ACCSL: variants seen among roughly 807,000 people sequenced by gnomAD.
The protein encoded by ACCSL is probable inactive 1-aminocyclopropane-1-carboxylate synthase-like protein 2.
In ACCSL, 55 loss-of-function variants were observed where a neutral mutation model predicts 61.7. The observed-to-expected ratio is 0.89, with a 90% CI of 0.72 to 1.12. The LOEUF is 1.12. ACCSL is among the 50% of genes most tolerant of loss of function. ACCSL has a pLI of 0.00. For synonymous variants in ACCSL, 258 were observed against 264.3 expected (o/e 0.98, Z 0.23); for missense variants, 632 against 698.0 (o/e 0.91, Z 1.07).
the ACCSL span, among the ~76,000 whole-genome samples, chr11:43,942,035 CGTGTGTGTGTGTGTGTGTGTGTGTGT>C: frequency 2.2e-5 from 2 of 89,620 alleles, no homozygotes; most frequent in Admixed American, 9.5e-5. Flanking sequence ...TGCATTCGTG[CGTGTGTGTGTGTGTGTGTGTGTGTGT>C]GTGTGTGTGT....
At chr11:43,996,003 G>A in the ACCSL span, among the ~76,000 whole-genome samples, 8 of 152,164 alleles carry the variant, frequency 5.3e-5, no homozygotes, top group African/African-American at 1.7e-4. Flanking sequence ...TTATAAAAAG[G>A]GGGTAATTTG....
chr11:43,990,800 C>T, the ACCSL span, among the ~76,000 whole-genome samples: 7 of 152,174 alleles, frequency 4.6e-5, no homozygotes, highest in South Asian at 2.1e-4. Flanking sequence ...AGGGGTGTGC[C>T]GTGGCTCACA....
the ACCSL span, among the ~76,000 whole-genome samples, chr11:43,966,068 A>G: frequency 1.2e-3 from 185 of 149,616 alleles, no homozygotes; most frequent in African/African-American, 4.4e-3. Flanking sequence ...TCTTAGATAT[A>G]ACAACAAATG....
chr11:43,990,005 C>T, the ACCSL span, among the ~76,000 whole-genome samples: 2 of 152,234 alleles, frequency 1.3e-5, no homozygotes, highest in East Asian at 3.8e-4. Flanking sequence ...ATGCCAGAAA[C>T]TTAGCAGCCA....
the ACCSL span, among the ~76,000 whole-genome samples, chr11:43,986,749 G>C: frequency 6.6e-6 from 1 of 152,176 alleles, no homozygotes; most frequent in Admixed American, 6.5e-5. Flanking sequence ...TGCATCACAT[G>C]AGTTTGTCAA....
At chr11:44,057,595 G>C (rs945645052) in intron 11 of ACCSL, among the ~76,000 whole-genome samples, 1 of 152,204 alleles carries the variant, frequency 6.6e-6, no homozygotes, top group African/African-American at 2.4e-5. Flanking sequence ...TGAATGCAGA[G>C]GGCAACTGGC....
the ACCSL span, among the ~76,000 whole-genome samples, chr11:43,961,373 CGG>C: frequency 6.6e-6 from 1 of 152,038 alleles, no homozygotes; most frequent in Non-Finnish European, 1.5e-5. Context: ...CTATTTTTCC[CGG>C]GGACAAGATT....
chr11:43,981,797 C>A, the ACCSL span, among the ~76,000 whole-genome samples: 4 of 152,206 alleles, frequency 2.6e-5, no homozygotes, highest in Admixed American at 6.5e-5. Flanking sequence ...CCCCAAGCCA[C>A]CTTTGGTCAA....
the ACCSL span, among the ~76,000 whole-genome samples, chr11:44,033,399 T>C: frequency 6.6e-6 from 1 of 152,130 alleles, no homozygotes. Context: ...AGGAACTTCT[T>C]AGGGAATCCT....
the ACCSL span, among the ~76,000 whole-genome samples, chr11:44,037,229 A>G: frequency 1.3e-5 from 2 of 152,220 alleles, no homozygotes; most frequent in African/African-American, 2.4e-5. Flanking sequence ...TAGCAGGAAC[A>G]GTCGTATTTG....
the ACCSL span, among the ~76,000 whole-genome samples, chr11:43,956,379 G>C: frequency 1.2e-4 from 19 of 152,082 alleles, no homozygotes; most frequent in African/African-American, 4.1e-4. Flanking sequence ...GCAAGAGGGG[G>C]TTGATTAGAT....
At chr11:44,036,676 G>A in the ACCSL span, among the ~76,000 whole-genome samples, 251 of 151,968 alleles carry the variant, frequency 1.7e-3, 1 homozygote, top group African/African-American at 5.7e-3. Flanking sequence ...CAGCTACTTG[G>A]GAGGCTGAGG....
the ACCSL span, among the ~76,000 whole-genome samples, chr11:44,042,197 T>C: frequency 3.9e-5 from 6 of 152,202 alleles, no homozygotes; most frequent in African/African-American, 1.2e-4. Flanking sequence ...TATGGGGTTT[T>C]TCTTCTCTAA....
At chr11:43,966,105 T>C in the ACCSL span, among the ~76,000 whole-genome samples, 3 of 152,038 alleles carry the variant, frequency 2.0e-5, no homozygotes, top group Non-Finnish European at 2.9e-5. Context: ...AAAAAATAGA[T>C]AAATAGATAA....
the ACCSL span, among the ~76,000 whole-genome samples, chr11:44,019,429 C>G: frequency 6.6e-6 from 1 of 152,154 alleles, no homozygotes; most frequent in Non-Finnish European, 1.5e-5. Flanking sequence ...CACATCCTTG[C>G]CAACACTTGT....
the ACCSL span, among the ~76,000 whole-genome samples, chr11:44,027,477 T>A: frequency 0.4 from 60,992 of 152,086 alleles, 12,732 homozygotes; most frequent in Admixed American, 0.42. Context: ...TGAGTTCCTA[T>A]GAAAATTAGG....
At chr11:43,986,526 C>A in the ACCSL span, among the ~76,000 whole-genome samples, 1 of 152,174 alleles carries the variant, frequency 6.6e-6, no homozygotes, top group East Asian at 1.9e-4. Context: ...GCTCCAGCCA[C>A]CCACTGTGGC....
At chr11:44,002,778 A>G in the ACCSL span, among the ~76,000 whole-genome samples, 15 of 152,098 alleles carry the variant, frequency 9.9e-5, no homozygotes, top group Non-Finnish European at 1.2e-4. Flanking sequence ...GGGGATAGTT[A>G]CCCTAGCTAG....
chr11:43,983,041 C>A, the ACCSL span, among the ~76,000 whole-genome samples: 20 of 152,296 alleles, frequency 1.3e-4, no homozygotes, highest in Admixed American at 2.6e-4. Flanking sequence ...AGGGGCAGCT[C>A]TCTCTGTCTG....
Sources: gnomAD v4.1 joint callset for allele counts (sites outside exome capture counted in the v4.1 genomes callset) on GRCh38, gnomAD v4.1.1 for gene constraint, MANE v1.5 for transcripts, NCBI Gene and HGNC (gene_info 2026-07-23, HGNC 2026-07-21) for gene names.